The following PCDHGA6 variants were observed in gnomAD, a reference collection of about 807,000 sequenced individuals.
The protein encoded by PCDHGA6 is protocadherin gamma subfamily A, 6, also known as protocadherin gamma-A6.
PCDHGA6 carries 41 observed loss-of-function variants against 60.6 expected under a neutral mutation model. The observed-to-expected ratio is 0.68, with a 90% CI of 0.53 to 0.88. The LOEUF is 0.88. Among genes scored for constraint, PCDHGA6 ranks in the 40% least tolerant of loss-of-function variants. PCDHGA6 has a pLI of 0.00. For missense variants in PCDHGA6, 1,312 were observed against 1,203.0 expected, an observed-to-expected ratio of 1.09 and a Z score of -1.34; for synonymous variants, 594 against 524.4, an observed-to-expected ratio of 1.13 and a Z score of -1.81.
At chr5:141,380,730 T>C (rs1776691792) in intron 1 of PCDHGA6, among the ~76,000 whole-genome samples, 2 of 152,250 alleles carry the variant, frequency 1.3e-5, no homozygotes, top group Non-Finnish European at 2.9e-5. Context: ...CTTATTTCCT[T>C]TTCTCCAAAG....
chr5:141,381,826 CTTTTTTT>C (rs770630741), intron 1 of PCDHGA6, among the ~76,000 whole-genome samples: 293 of 74,292 alleles, frequency 3.9e-3, no homozygotes, highest in Middle Eastern at 0.016. Context: ...CTTTCTTCTT[CTTTTTTT>C]TTTTTTTTTT....
rs1028782991 is a variant in PCDHGA6, at chr5:141,503,926, C to T, written c.2484-1467C>T. 2.6e-5 allele frequency among the ~76,000 whole-genome samples: 4 copies of T among 152,196 alleles called. No individual in the cohort carries two copies. The East Asian group carries it at 7.7e-4, about 29-fold the overall frequency. ...ACACACAACGCAACACACACACAGA[C>T]ATTTTCATGCCTTCAAGGCCTACCC... On this transcript the variant is annotated intron_variant, in intron 2 of 3. Coordinates refer to ENST00000517434, the MANE Select transcript of PCDHGA6 (RefSeq NM_018919.3).
At chr5:141,452,887 C>T (rs1000136303) in intron 1 of PCDHGA6, among the ~76,000 whole-genome samples, 1 of 152,174 alleles carries the variant, frequency 6.6e-6, no homozygotes, top group Non-Finnish European at 1.5e-5. Flanking sequence ...ATAATTTATT[C>T]CACTTTTATT....
At chr5:141,470,469 A>T (rs1423801455) in intron 1 of PCDHGA6, among the ~76,000 whole-genome samples, 1 of 152,194 alleles carries the variant, frequency 6.6e-6, no homozygotes, top group Non-Finnish European at 1.5e-5. Context: ...ATTTTCTGAT[A>T]TTACTAACCC....
At chr5:141,418,944 C>T in intron 1 of PCDHGA6, 1 of 1,614,026 alleles carries the variant, frequency 6.2e-7, no homozygotes, top group Non-Finnish European at 8.5e-7. Context: ...GATTCCCCTC[C>T]AGGAGTGGTT....
At chr5:141,416,200 T>G (rs1318033556) in intron 1 of PCDHGA6, 2 of 152,444 alleles carry the variant, frequency 1.3e-5, no homozygotes, top group African/African-American at 4.8e-5. Context: ...ATTAACAATT[T>G]ATTTATAACA....
intron 1 of PCDHGA6, chr5:141,400,105 T>C (rs1282646842): frequency 6.2e-7 from 1 of 1,613,938 alleles, no homozygotes; most frequent in Non-Finnish European, 8.5e-7. Context: ...GCACTTGGTC[T>C]TTGCTGACAG....
chr5:141,414,638 A>C lies in PCDHGA6; in HGVS notation c.2424+38131A>C, dbSNP rs539861509. The C allele has an allele frequency of 7.8e-5, 126 of 1,613,988 alleles. 1 individual carries two copies. In the South Asian group the frequency reaches 1.3e-3, roughly 17 times the overall value. ...GCGCTGGACCCGGACAGCAAAGAGA[A>C]TGCCCAGATTATTTACTCCCTGGCT... On this transcript the variant is annotated intron_variant, in intron 1 of 3. Coordinates refer to ENST00000517434, the MANE Select transcript of PCDHGA6 (RefSeq NM_018919.3).
intron 1 of PCDHGA6, chr5:141,399,483 C>G (rs753137844): frequency 6.2e-7 from 1 of 1,613,930 alleles, no homozygotes; most frequent in African/African-American, 1.3e-5. Context: ...ACCAGGCGTC[C>G]TACTTAGTCA....
intron 1 of PCDHGA6, chr5:141,384,104 A>C: frequency 1.2e-6 from 2 of 1,601,040 alleles, no homozygotes; most frequent in Non-Finnish European, 8.5e-7. Context: ...GATAATTATT[A>C]TAGATTGGTC....
chr5:141,397,372 G>C (rs1014875277), intron 1 of PCDHGA6, among the ~76,000 whole-genome samples: 1 of 152,012 alleles, frequency 6.6e-6, no homozygotes, highest in Non-Finnish European at 1.5e-5. Context: ...AGATGTTTGG[G>C]GATTGGTATA....
chr5:141,441,623 C>T (rs530409184), intron 1 of PCDHGA6: 2 of 224,422 alleles, frequency 8.9e-6, no homozygotes, highest in Non-Finnish European at 1.8e-5. Flanking sequence ...TGGCCAGTGA[C>T]CTGGAGCCAC....
intron 1 of PCDHGA6, among the ~76,000 whole-genome samples, chr5:141,455,201 CAATAAGAGTTTTT>C (rs1373301624): frequency 6.6e-6 from 1 of 151,722 alleles, no homozygotes; most frequent in Non-Finnish European, 1.5e-5. Flanking sequence ...AATTTACAAC[CAATAAGAGTTTTT>C]AATGCTTTGA....
At chr5:141,446,831 T>C (rs1237079019) in intron 1 of PCDHGA6, among the ~76,000 whole-genome samples, 2 of 152,186 alleles carry the variant, frequency 1.3e-5, no homozygotes, top group East Asian at 3.9e-4. Context: ...TAGATCCTTA[T>C]AAGGCTGAGC....
In PCDHGA6 at chr5:141,431,964, A is replaced by G; in HGVS notation, c.2424+55457A>G. On this transcript the variant is annotated intron_variant, in intron 1 of 3. Coordinates refer to ENST00000517434, the MANE Select transcript of PCDHGA6 (RefSeq NM_018919.3). The surrounding 1 kb of genome is among the most constrained non-coding windows in gnomAD (Gnocchi z 4.8). Reference sequence around the variant, plus strand: ...TTAGAAAAATCTTACGGAAATTACTATAGTTTAGTCACAGACATAGTCTTG... The same window carrying G: ...TTAGAAAAATCTTACGGAAATTACTGTAGTTTAGTCACAGACATAGTCTTG... 2.5e-6 allele frequency: 4 copies of G among 1,614,218 alleles called. No individual in the cohort carries two copies. The highest frequency in any genetic ancestry group is 2.5e-6 in the Non-Finnish European group (3 of 1,180,028).
chr5:141,472,980 C>CAAAAAAAAAAA (rs60579131), intron 1 of PCDHGA6, among the ~76,000 whole-genome samples: 11 of 86,030 alleles, frequency 1.3e-4, no homozygotes, highest in Non-Finnish European at 1.3e-4. Flanking sequence ...GAGTGAAACT[C>CAAAAAAAAAAA]AAAAAAAAAA....
At chr5:141,426,775 A>G (rs2096959432) in intron 1 of PCDHGA6, 1 of 456,496 alleles carries the variant, frequency 2.2e-6, no homozygotes, top group South Asian at 1.5e-5. Context: ...GTAGGGCCTC[A>G]CTCTCTCCAG....
chr5:141,403,333 C>G (rs376895778), intron 1 of PCDHGA6: 1 of 1,613,984 alleles, frequency 6.2e-7, no homozygotes, highest in South Asian at 1.1e-5. Context: ...CTGATATTAA[C>G]GACAGCGCCC....
chr5:141,463,653 G>A (rs1378583183), intron 1 of PCDHGA6, among the ~76,000 whole-genome samples: 2 of 151,764 alleles, frequency 1.3e-5, no homozygotes, highest in Admixed American at 6.6e-5. Context: ...GGGTTTCACC[G>A]TGTTAGCCAG....
Sources: gnomAD v4.1 joint callset for allele counts (sites outside exome capture counted in the v4.1 genomes callset) on GRCh38, gnomAD v4.1.1 for gene constraint, Gnocchi (gnomAD v3.1) non-coding constraint, MANE v1.5 for transcripts, NCBI Gene and HGNC (gene_info 2026-07-23, HGNC 2026-07-21) for gene names.